TMEM50A: variants seen among roughly 807,000 people sequenced by gnomAD.
The protein encoded by TMEM50A is cervical cancer oncogene 9.
TMEM50A carries 8 observed loss-of-function variants against 23.9 expected under a neutral mutation model. The observed-to-expected ratio is 0.33, with a 90% CI of 0.20 to 0.60. The LOEUF is 0.60. Among genes scored for constraint, TMEM50A ranks in the 20% least tolerant of loss-of-function variants. The pLI is 0.81. For missense variants in TMEM50A, 178 were observed against 192.7 expected, an observed-to-expected ratio of 0.92 and a Z score of 0.45; for synonymous variants, 55 against 60.4, an observed-to-expected ratio of 0.91 and a Z score of 0.41.
intron 6 of TMEM50A, among the ~76,000 whole-genome samples, chr1:25,360,116 G>A (rs1300289577): frequency 1.3e-5 from 2 of 152,158 alleles, no homozygotes; most frequent in Admixed American, 6.5e-5. Context: ...TTGGGAGGCC[G>A]AGGTAGGCGG....
intron 2 of TMEM50A, 145 bp downstream of exon 2, chr1:25,340,724 G>C (rs1294663042): frequency 1.6e-6 from 1 of 616,236 alleles, no homozygotes; most frequent in African/African-American, 1.9e-5. Flanking sequence ...TTTGTGGAGA[G>C]TTATTAGTTC....
rs1645349625 is a variant in TMEM50A at position 25,357,646 on chromosome 1, GTGTT to G, written c.428+794_428+797del. On this transcript the variant is annotated intron_variant, in intron 6 of 6. Coordinates refer to ENST00000374358, the MANE Select transcript of TMEM50A (RefSeq NM_014313.4). ...TGTGTGTGTGTGTGTGTGTGTGTGT[GTGTT>G]GTTTTGAGACAGAGTCTCAGTCTCT... is the stretch of plus-strand genomic sequence containing the variant. 3.3e-5 allele frequency among the ~76,000 whole-genome samples: 5 copies of G among 150,700 alleles called. No individual in the cohort carries two copies. The South Asian group carries it at 1.0e-3, about 31-fold the overall frequency.
chr1:25,344,004 T>C (rs987485741), intron 3 of TMEM50A, among the ~76,000 whole-genome samples: 1 of 152,160 alleles, frequency 6.6e-6, no homozygotes, highest in Non-Finnish European at 1.5e-5. Context: ...TCCAGCACTT[T>C]GGGATACCGA....
chr1:25,359,493 T>C (rs1217844604), intron 6 of TMEM50A, among the ~76,000 whole-genome samples: 1 of 134,264 alleles, frequency 7.4e-6, no homozygotes, highest in Non-Finnish European at 1.6e-5. Context: ...ACACCAACAA[T>C]AGCTGATGAG....
chr1:25,344,724 T>G (rs543029654), intron 3 of TMEM50A, among the ~76,000 whole-genome samples: 59 of 149,866 alleles, frequency 3.9e-4, no homozygotes, highest in Middle Eastern at 3.4e-3. Context: ...TTGTTTTTTG[T>G]TTTTTTTTGG....
intron 4 of TMEM50A, 109 bp downstream of exon 4, chr1:25,351,802 G>C (rs970606982): frequency 1.0e-5 from 9 of 900,886 alleles, no homozygotes; most frequent in Non-Finnish European, 1.5e-5. Flanking sequence ...GTGAGTAACA[G>C]CTTATTATTT....
chr1:25,343,204 CA>C (rs1165331541), intron 3 of TMEM50A, 131 bp downstream of exon 3: 1 of 663,626 alleles, frequency 1.5e-6, no homozygotes, highest in Non-Finnish European at 2.5e-6. Context: ...AAAAGTCACA[CA>C]GTAGAGATGG....
chr1:25,358,956 T>C (rs1295755885), intron 6 of TMEM50A, among the ~76,000 whole-genome samples: 1 of 152,230 alleles, frequency 6.6e-6, no homozygotes, highest in Non-Finnish European at 1.5e-5. Context: ...GGTTTTGCCA[T>C]GTTGCCCAGG....
chr1:25,346,120 CT>C (rs1239079992), intron 3 of TMEM50A, among the ~76,000 whole-genome samples: 1 of 152,096 alleles, frequency 6.6e-6, no homozygotes, highest in Non-Finnish European at 1.5e-5. Flanking sequence ...ATCTCTTTAT[CT>C]TTTTATTTTA....
At chr1:25,353,669 T>A (rs1163193241) in intron 5 of TMEM50A, among the ~76,000 whole-genome samples, 5 of 152,240 alleles carry the variant, frequency 3.3e-5, no homozygotes, top group Non-Finnish European at 7.3e-5. Flanking sequence ...ATCTGCTATA[T>A]AAGGCCACTT....
intron 3 of TMEM50A, among the ~76,000 whole-genome samples, chr1:25,348,529 C>CAA (rs1343187884): frequency 6.6e-6 from 1 of 151,904 alleles, no homozygotes; most frequent in Admixed American, 6.6e-5. Context: ...TACTAAAATA[C>CAA]AAAAAATTAG....
chr1:25,347,219 C>T (rs1645227188), intron 3 of TMEM50A, among the ~76,000 whole-genome samples: 1 of 151,644 alleles, frequency 6.6e-6, no homozygotes, highest in Admixed American at 6.6e-5. Context: ...TACCATTGTC[C>T]ATCAGCTTTC....
intron 2 of TMEM50A, among the ~76,000 whole-genome samples, chr1:25,341,234 GT>G (rs980835289): frequency 2.0e-5 from 3 of 151,790 alleles, no homozygotes. Flanking sequence ...TTTTGCTCTT[GT>G]TTTTTTGTTG....
At chr1:25,357,360 G>T (rs1364548323) in intron 6 of TMEM50A, among the ~76,000 whole-genome samples, 1 of 152,026 alleles carries the variant, frequency 6.6e-6, no homozygotes, top group Non-Finnish European at 1.5e-5. Context: ...AAACCTCAAG[G>T]CTTTTATCAG....
intron 3 of TMEM50A, among the ~76,000 whole-genome samples, chr1:25,349,410 G>A (rs1365862355): frequency 3.3e-5 from 5 of 152,150 alleles, no homozygotes; most frequent in Non-Finnish European, 4.4e-5. Flanking sequence ...CAAGGAAAAC[G>A]AGCTGAGAAC....
At chr1:25,339,422 C>G (rs1273715853) in intron 1 of TMEM50A, among the ~76,000 whole-genome samples, 1 of 152,114 alleles carries the variant, frequency 6.6e-6, no homozygotes, top group African/African-American at 2.4e-5. Flanking sequence ...CCGTTAGGAT[C>G]AGAGATAGGG....
Position 25,351,578 on chromosome 1 carries a change from A to T in TMEM50A, c.207-48A>T, listed in dbSNP as rs757172577. 6 of 1,480,266 alleles carry T rather than the reference A, an allele frequency of 4.1e-6. No individual in the cohort carries two copies. In the Admixed American group the frequency reaches 1.3e-4, roughly 31 times the overall value. 91.7% of individuals were successfully genotyped at this position (1,480,266 alleles called of 1,614,324 possible). A position where few individuals can be genotyped will look rare whatever the true frequency, so the allele number is the denominator to read the frequency against. On this transcript the variant is annotated intron_variant, in intron 3 of 6. Transcript: ENST00000374358. Reference sequence around the variant, plus strand: ...GAAACTGTAGATTATTGTTTCTGGTAATTGGTGTCATGGACCCTGATTTCT... The same window carrying T: ...GAAACTGTAGATTATTGTTTCTGGTTATTGGTGTCATGGACCCTGATTTCT...
In TMEM50A at chr1:25,353,061, C is replaced by T. The variant is rs1645289675; in HGVS notation, c.367+87C>T. Reference sequence around the variant, plus strand: ...GGTTATTTTAGAATAAAATTTTTTTCCTATAGTTGGGCCAACTACTAGCGA... The same window carrying T: ...GGTTATTTTAGAATAAAATTTTTTTTCTATAGTTGGGCCAACTACTAGCGA... On this transcript the variant is annotated intron_variant, in intron 5 of 6. Coordinates refer to ENST00000374358, the MANE Select transcript of TMEM50A (RefSeq NM_014313.4). 3.9e-6 allele frequency: 5 copies of T among 1,282,384 alleles called. No homozygotes were observed. In the Admixed American group the frequency reaches 1.2e-4, roughly 30 times the overall value. The allele number at this position is 1,282,384 out of a possible 1,614,324, so 79.4% of individuals were successfully genotyped here. A position where few individuals can be genotyped will look rare whatever the true frequency, so the allele number is the denominator to read the frequency against.
chr1:25,346,917 G>A (rs3093602), intron 3 of TMEM50A, among the ~76,000 whole-genome samples: 12,547 of 152,068 alleles, frequency 0.083, 1,080 homozygotes, highest in East Asian at 0.39. Flanking sequence ...CTACTGAGGA[G>A]GCTGAGGTGG....
Sources: allele counts gnomAD v4.1 joint callset (sites outside exome capture counted in the v4.1 genomes callset), GRCh38; gene constraint gnomAD v4.1.1; transcripts MANE v1.5; gene names NCBI Gene and HGNC (gene_info 2026-07-23, HGNC 2026-07-21).